The following CTNNA3 variants were observed in gnomAD, a reference collection of about 807,000 sequenced individuals.
The protein encoded by CTNNA3 is catenin alpha-3.
Under a neutral mutation model 95.7 loss-of-function variants are expected in CTNNA3, and 76 were observed. That is an observed-to-expected ratio of 0.79 (90% CI 0.66 to 0.96). CTNNA3 has a LOEUF of 0.96. Ranked by LOEUF, CTNNA3 falls within the 40% of genes least tolerant of loss-of-function variation. The pLI, the probability that CTNNA3 is intolerant of heterozygous loss-of-function variation, is 0.00. For synonymous variants in CTNNA3, 431 were observed against 374.4 expected, an observed-to-expected ratio of 1.15 and a Z score of -1.74; for missense variants, 1,191 against 1,089.8, an observed-to-expected ratio of 1.09 and a Z score of -1.31.
chr10:67,243,705 G>C (rs1865804644), intron 5 of CTNNA3, among the ~76,000 whole-genome samples: 1 of 152,130 alleles, frequency 6.6e-6, no homozygotes, highest in Non-Finnish European at 1.5e-5. Context: ...GCCTTTGCAT[G>C]AGCTATGTTC....
chr10:66,283,175 A>G (rs1015419761), intron 12 of CTNNA3, among the ~76,000 whole-genome samples: 2 of 151,804 alleles, frequency 1.3e-5, no homozygotes, highest in Admixed American at 6.6e-5. Flanking sequence ...CGTCAAAACT[A>G]CTACTCTAAA....
At chr10:67,757,039 T>C (rs1841437301) in intron 1 of CTNNA3, among the ~76,000 whole-genome samples, 1 of 152,240 alleles carries the variant, frequency 6.6e-6, no homozygotes, top group Non-Finnish European at 1.5e-5. Context: ...ATATATTGAG[T>C]ACCTACTACA....
intron 3 of CTNNA3, among the ~76,000 whole-genome samples, chr10:67,557,641 G>T (rs1175833593): frequency 6.6e-6 from 1 of 152,070 alleles, no homozygotes; most frequent in Non-Finnish European, 1.5e-5. Context: ...TATCTGAAAG[G>T]GATCTCAGTT....
In CTNNA3 at chr10:65,949,562, A is replaced by C. The variant is rs541910991; in HGVS notation, c.2400+17050T>G. ...GCTTTACTGAAGGTCTGTTCTCAGAAGGGGAGGGAAGAAAAAAGCATGGGG... is the reference window on the plus strand; with the variant it reads ...GCTTTACTGAAGGTCTGTTCTCAGACGGGGAGGGAAGAAAAAAGCATGGGG... On this transcript the variant is annotated intron_variant, in intron 17 of 17. Coordinates refer to ENST00000433211, the MANE Select transcript of CTNNA3 (RefSeq NM_013266.4). 2.9e-4 allele frequency among the ~76,000 whole-genome samples: 44 copies of C among 152,268 alleles called. No homozygotes were observed. The South Asian group carries it at 3.9e-3, about 14-fold the overall frequency.
intron 13 of CTNNA3, among the ~76,000 whole-genome samples, chr10:66,176,056 C>T (rs949692841): frequency 8.6e-5 from 13 of 152,008 alleles, no homozygotes; most frequent in African/African-American, 2.2e-4. Context: ...TTTCAGGAAA[C>T]GTAATTGGTG....
At chr10:67,459,375 A>G (rs1847292144) in intron 5 of CTNNA3, among the ~76,000 whole-genome samples, 1 of 152,200 alleles carries the variant, frequency 6.6e-6, no homozygotes, top group Admixed American at 6.5e-5. Context: ...GGGTAGGATA[A>G]TATCAGTGTC....
chr10:67,670,057 A>T (rs186154978), intron 1 of CTNNA3, among the ~76,000 whole-genome samples: 74 of 152,374 alleles, frequency 4.9e-4, no homozygotes, highest in African/African-American at 1.7e-3. Flanking sequence ...GGTTAAAGAT[A>T]GAATACCGAA....
At chr10:67,436,989 AAAG>A (rs1226495338) in intron 5 of CTNNA3, among the ~76,000 whole-genome samples, 1 of 152,208 alleles carries the variant, frequency 6.6e-6, no homozygotes, top group East Asian at 1.9e-4. Context: ...ACCCAGAGGA[AAAG>A]AAGTCATTAT....
chr10:67,639,624 C>A (rs180936702), intron 2 of CTNNA3, among the ~76,000 whole-genome samples: 1 of 150,698 alleles, frequency 6.6e-6, no homozygotes, highest in South Asian at 2.1e-4. Flanking sequence ...ACTGGCAAAC[C>A]GAATCCAGCA....
At chr10:67,214,737 A>T (rs1242127286) in intron 6 of CTNNA3, among the ~76,000 whole-genome samples, 1 of 151,986 alleles carries the variant, frequency 6.6e-6, no homozygotes, top group Non-Finnish European at 1.5e-5. Context: ...CAAGGTTAAC[A>T]GTTATTTTCT....
chr10:66,538,410 G>A (rs899780815), intron 10 of CTNNA3, among the ~76,000 whole-genome samples: 1 of 152,136 alleles, frequency 6.6e-6, no homozygotes, highest in African/African-American at 2.4e-5. Context: ...GTTAGTGCTT[G>A]TAAATCTGCT....
intron 7 of CTNNA3, among the ~76,000 whole-genome samples, chr10:67,126,389 T>C (rs1003082413): frequency 2.0e-5 from 3 of 151,642 alleles, no homozygotes; most frequent in Admixed American, 6.6e-5. Context: ...CAGCTGGGCG[T>C]GGCGGCGCGT....
intron 5 of CTNNA3, among the ~76,000 whole-genome samples, chr10:67,307,145 A>C (rs919704441): frequency 6.6e-6 from 1 of 152,132 alleles, no homozygotes; most frequent in Non-Finnish European, 1.5e-5. Flanking sequence ...GTATTTTTGG[A>C]CTTCATTTTC....
intron 6 of CTNNA3, among the ~76,000 whole-genome samples, chr10:67,209,062 G>T (rs1481664192): frequency 2.0e-5 from 3 of 146,834 alleles, no homozygotes; most frequent in Admixed American, 6.7e-5. Context: ...TGTTGTTGTT[G>T]TTGTTAAGAC....
chr10:66,774,411 A>G (rs1399403848), intron 8 of CTNNA3, among the ~76,000 whole-genome samples: 2 of 152,170 alleles, frequency 1.3e-5, no homozygotes, highest in Non-Finnish European at 2.9e-5. Context: ...ATCGTAAGAC[A>G]GGTTGTGCTA....
chr10:66,608,981 C>CGG (rs1844231115), intron 10 of CTNNA3, among the ~76,000 whole-genome samples: 1 of 151,970 alleles, frequency 6.6e-6, no homozygotes, highest in Non-Finnish European at 1.5e-5. Flanking sequence ...ACAGAAGAAA[C>CGG]ATTCAACAGA....
At chr10:66,669,136 G>A (rs1253866096) in intron 9 of CTNNA3, among the ~76,000 whole-genome samples, 1 of 152,096 alleles carries the variant, frequency 6.6e-6, no homozygotes, top group African/African-American at 2.4e-5. Context: ...TTTACAATAT[G>A]CTGTATGCTT....
rs567009573 is a variant in CTNNA3 at position 67,751,569 on chromosome 10, C to G, written c.-2+11865G>C. Among the ~76,000 whole-genome samples the G allele has an allele frequency of 2.6e-5, 4 of 151,618 alleles. No homozygotes were observed. The East Asian group carries it at 7.7e-4, about 29-fold the overall frequency. ...TCGTAAAAAAAAAATAGACCGCTAA[C>G]TAGACTAATGAAGAAGAAGACAGAG... On this transcript the variant is annotated intron_variant, in intron 1 of 17. Coordinates refer to the CTNNA3 transcript ENST00000684154.
At position 66,574,604 on chromosome 10, in the gene CTNNA3, G is replaced by A. The variant is rs549205633; in HGVS notation, c.1374+47088C>T. Among the ~76,000 whole-genome samples the A allele has an allele frequency of 8.5e-4, 129 of 152,130 alleles. 1 individual carries two copies. Among genetic ancestry groups the A allele is most frequent in the African/African-American group, 3.0e-3 (124 of 41,518 alleles). The stretch of plus-strand genomic sequence containing the variant: ...ATTTGAAAAGAAAACATATTGAAAA[G>A]GGATCTAAACAAAGGTTGTTTTTTT... On this transcript the variant is annotated intron_variant, in intron 10 of 17. Transcript: ENST00000433211.
Sources: allele counts gnomAD v4.1 joint callset (sites outside exome capture counted in the v4.1 genomes callset), GRCh38; gene constraint gnomAD v4.1.1; transcripts MANE v1.5; gene names NCBI Gene and HGNC (gene_info 2026-07-23, HGNC 2026-07-21).